THSD7B: variants seen among roughly 807,000 people sequenced by gnomAD.
THSD7B encodes the protein thrombospondin type-1 domain-containing protein 7B.
In THSD7B, 138 loss-of-function variants were observed where a neutral mutation model predicts 213.6. The observed-to-expected ratio is 0.65, with a 90% CI of 0.56 to 0.74. THSD7B has a LOEUF of 0.74. Among genes scored for constraint, THSD7B ranks in the 30% least tolerant of loss-of-function variants. The pLI, the probability that THSD7B is intolerant of heterozygous loss-of-function variation, is 0.00. For synonymous variants in THSD7B, 742 were observed against 687.0 expected (o/e 1.08, Z -1.25); for missense variants, 1,931 against 1,991.5 (o/e 0.97, Z 0.58).
At chr2:137,367,648 A>G (rs2104945201) in intron 12 of THSD7B, among the ~76,000 whole-genome samples, 1 of 152,260 alleles carries the variant, frequency 6.6e-6, no homozygotes, top group African/African-American at 2.4e-5. Context: ...ACTGAGTGGC[A>G]AAAACAACAG....
intron 14 of THSD7B, among the ~76,000 whole-genome samples, chr2:137,424,411 G>A (rs1006608032): frequency 3.3e-5 from 5 of 152,050 alleles, no homozygotes; most frequent in African/African-American, 1.2e-4. Flanking sequence ...AGAAAAGGAC[G>A]AAAAGGACAC....
chr2:136,913,410 G>A (rs1458568873), intron 2 of THSD7B, among the ~76,000 whole-genome samples: 1 of 152,222 alleles, frequency 6.6e-6, no homozygotes, highest in Non-Finnish European at 1.5e-5. Context: ...AGAAATTCAA[G>A]CCAGCTGCAG....
At chr2:137,091,839 G>A (rs1042747823) in intron 3 of THSD7B, among the ~76,000 whole-genome samples, 9 of 152,122 alleles carry the variant, frequency 5.9e-5, no homozygotes, top group Admixed American at 4.6e-4. Context: ...ATGAAACTCA[G>A]CCTATAACAA....
At chr2:137,500,156 A>T (rs992293224) in intron 15 of THSD7B, among the ~76,000 whole-genome samples, 1 of 152,122 alleles carries the variant, frequency 6.6e-6, no homozygotes, top group Non-Finnish European at 1.5e-5. Flanking sequence ...CACTATTTAA[A>T]TCCTGACCTA....
At chr2:136,925,737 A>G (rs1286228473) in intron 2 of THSD7B, among the ~76,000 whole-genome samples, 2 of 152,012 alleles carry the variant, frequency 1.3e-5, no homozygotes, top group South Asian at 4.2e-4. Flanking sequence ...GTTTAAGGGG[A>G]TTGGTGTTAA....
chr2:137,022,081 G>A (rs560782441), intron 2 of THSD7B, among the ~76,000 whole-genome samples: 39 of 152,176 alleles, frequency 2.6e-4, no homozygotes, highest in African/African-American at 7.9e-4. Context: ...TTGTTTAACC[G>A]TTTACCTGAT....
chr2:137,137,918 A>G (rs915960314), intron 5 of THSD7B, among the ~76,000 whole-genome samples: 4 of 151,092 alleles, frequency 2.6e-5, no homozygotes, highest in African/African-American at 4.9e-5. Context: ...CTTTTTTTTG[A>G]AATAGGGTCT....
chr2:137,062,314 A>AT (rs879872278), intron 3 of THSD7B, among the ~76,000 whole-genome samples: 8 of 148,176 alleles, frequency 5.4e-5, no homozygotes, highest in African/African-American at 1.2e-4. Flanking sequence ...TTTTCTATTG[A>AT]TTTTTTTTCT....
intron 15 of THSD7B, among the ~76,000 whole-genome samples, chr2:137,558,264 A>G (rs13402813): frequency 0.36 from 54,456 of 152,014 alleles, 10,116 homozygotes; most frequent in South Asian, 0.56. Context: ...CAACAAAAAA[A>G]GAAAATTTTA....
At chr2:137,009,624 G>GAA (rs1291975350) in intron 2 of THSD7B, among the ~76,000 whole-genome samples, 1 of 152,048 alleles carries the variant, frequency 6.6e-6, no homozygotes, top group Non-Finnish European at 1.5e-5. Context: ...AGACAAGAGA[G>GAA]AATGAAAACC....
At chr2:137,465,365 T>C (rs1687972566) in intron 15 of THSD7B, among the ~76,000 whole-genome samples, 1 of 152,124 alleles carries the variant, frequency 6.6e-6, no homozygotes, top group African/African-American at 2.4e-5. Flanking sequence ...AATCTACTAG[T>C]TGCCAAACGT....
At chr2:137,561,776 A>C (rs1042634179) in intron 15 of THSD7B, among the ~76,000 whole-genome samples, 1 of 152,162 alleles carries the variant, frequency 6.6e-6, no homozygotes, top group African/African-American at 2.4e-5. Flanking sequence ...TAATGTAGGA[A>C]CTGCTTCTGA....
At chr2:137,404,005 T>C (rs1445400402) in intron 12 of THSD7B, among the ~76,000 whole-genome samples, 1 of 152,152 alleles carries the variant, frequency 6.6e-6, no homozygotes, top group Admixed American at 6.5e-5. Flanking sequence ...TGTATATTCT[T>C]TGAGAGTCTA....
At chr2:137,445,397 T>C (rs1687516548) in intron 14 of THSD7B, among the ~76,000 whole-genome samples, 1 of 151,916 alleles carries the variant, frequency 6.6e-6, no homozygotes, top group African/African-American at 2.4e-5. Flanking sequence ...AATATGTATA[T>C]ACACAATGGA....
chr2:136,909,340 A>G (rs1425680480), intron 2 of THSD7B, among the ~76,000 whole-genome samples: 4 of 152,188 alleles, frequency 2.6e-5, no homozygotes, highest in Non-Finnish European at 5.9e-5. Context: ...AGGGTGGGAA[A>G]TGAGACAAAA....
At chr2:137,083,418 T>G (rs955592237) in intron 3 of THSD7B, among the ~76,000 whole-genome samples, 16 of 152,174 alleles carry the variant, frequency 1.1e-4, no homozygotes, top group African/African-American at 3.6e-4. Flanking sequence ...AAAACTCTTA[T>G]TCAAATACCT....
intron 2 of THSD7B, among the ~76,000 whole-genome samples, chr2:137,049,783 G>A (rs12105285): frequency 0.13 from 19,483 of 152,144 alleles, 1,989 homozygotes; most frequent in African/African-American, 0.29. Flanking sequence ...AGAGGCCAAA[G>A]ACCAGAATTA....
chr2:137,446,069 G>C (rs1000375195), intron 14 of THSD7B, among the ~76,000 whole-genome samples: 1 of 151,094 alleles, frequency 6.6e-6, no homozygotes, highest in Non-Finnish European at 1.5e-5. Context: ...TTCATTATTC[G>C]AGCACAGTGT....
At chr2:136,827,770 TGAGAGAGAGAGA>T (rs56349408) in intron 1 of THSD7B, among the ~76,000 whole-genome samples, 4 of 146,360 alleles carry the variant, frequency 2.7e-5, no homozygotes, top group African/African-American at 7.5e-5. Flanking sequence ...TACACTGAAA[TGAGAGAGAGAGA>T]GAGAGAGAGA....
Sources: allele counts gnomAD v4.1 joint callset (sites outside exome capture counted in the v4.1 genomes callset), GRCh38; gene constraint gnomAD v4.1.1; transcripts MANE v1.5; gene names NCBI Gene and HGNC (gene_info 2026-07-23, HGNC 2026-07-21).